The following PTPRM variants were observed in gnomAD, a reference collection of about 807,000 sequenced individuals.
PTPRM encodes receptor-type tyrosine-protein phosphatase mu.
In PTPRM, 47 loss-of-function variants were observed where a neutral mutation model predicts 186.7. The observed-to-expected ratio is 0.25, with a 90% CI of 0.20 to 0.32. PTPRM has a LOEUF of 0.32. Ranked by LOEUF, PTPRM falls within the 10% of genes least tolerant of loss-of-function variation. PTPRM has a pLI of 1.00. For missense variants in PTPRM, 1,494 were observed against 1,865.0 expected (o/e 0.80, Z 3.66); for synonymous variants, 668 against 674.9 (o/e 0.99, Z 0.16).
chr18:8,382,883 G>A (rs1598526564), intron 29 of PTPRM, among the ~76,000 whole-genome samples: 1 of 152,306 alleles, frequency 6.6e-6, no homozygotes, highest in African/African-American at 2.4e-5. Context: ...ACATCATTCT[G>A]CATAAAATTA....
At chr18:8,216,407 C>T (rs1426110133) in intron 14 of PTPRM, among the ~76,000 whole-genome samples, 1 of 152,160 alleles carries the variant, frequency 6.6e-6, no homozygotes, top group Non-Finnish European at 1.5e-5. Context: ...TCTAGAACCA[C>T]AGTCTGTCAT....
At chr18:7,855,559 T>C (rs2047056930) in intron 2 of PTPRM, among the ~76,000 whole-genome samples, 1 of 152,218 alleles carries the variant, frequency 6.6e-6, no homozygotes, top group East Asian at 1.9e-4. Context: ...TTCCACCCTC[T>C]ACTAAATCTT....
intron 23 of PTPRM, chr18:8,365,779 C>T (rs1425680842): frequency 1.3e-5 from 2 of 152,716 alleles, no homozygotes; most frequent in Admixed American, 6.5e-5. Flanking sequence ...CACCCTGCCT[C>T]CTCTCTCCAG....
rs527740306 is a variant in PTPRM at position 7,793,230 on chromosome 18, G to A, written c.196+18959G>A. Reference sequence around the variant, plus strand: ...GCAGCTGTTAGCGTAGTTGTTAAGAGCACCCTGACTTCACCTCCTCACTAC... The same window carrying A: ...GCAGCTGTTAGCGTAGTTGTTAAGAACACCCTGACTTCACCTCCTCACTAC... On this transcript the variant is annotated intron_variant, in intron 2 of 32. Transcript: ENST00000580170. 1.8e-3 allele frequency among the ~76,000 whole-genome samples: 276 copies of A among 152,274 alleles called. 2 individuals are homozygous for A. Among genetic ancestry groups the A allele is most frequent in the African/African-American group, 6.4e-3 (266 of 41,550 alleles).
chr18:8,383,296 CAAAAAAAAAA>C (rs59442781), intron 29 of PTPRM, among the ~76,000 whole-genome samples: 15 of 30,424 alleles, frequency 4.9e-4, no homozygotes, highest in South Asian at 2.7e-3. Flanking sequence ...GCTTCTGCCT[CAAAAAAAAAA>C]AAAAAAAAAA....
intron 7 of PTPRM, among the ~76,000 whole-genome samples, chr18:7,972,951 T>C (rs2054666797): frequency 6.6e-6 from 1 of 152,174 alleles, no homozygotes; most frequent in Non-Finnish European, 1.5e-5. Context: ...GATTATATTG[T>C]ACATGTTATT....
intron 19 of PTPRM, among the ~76,000 whole-genome samples, chr18:8,267,180 T>C (rs918759160): frequency 6.6e-5 from 10 of 152,154 alleles, no homozygotes; most frequent in African/African-American, 2.4e-4. Context: ...GCCAAAATAT[T>C]TTACTTGGCT....
At chr18:7,578,321 C>G (rs1049914810) in intron 1 of PTPRM, among the ~76,000 whole-genome samples, 4 of 149,498 alleles carry the variant, frequency 2.7e-5, no homozygotes, top group Admixed American at 1.4e-4. Flanking sequence ...ATCACCATGC[C>G]TGGCTAATTA....
intron 1 of PTPRM, among the ~76,000 whole-genome samples, chr18:7,744,756 G>T (rs1461574572): frequency 6.6e-6 from 1 of 152,136 alleles, no homozygotes. Flanking sequence ...GAGGATAATT[G>T]TGTTCATCGA....
intron 7 of PTPRM, among the ~76,000 whole-genome samples, chr18:7,960,915 A>C (rs1038719424): frequency 6.6e-6 from 1 of 152,184 alleles, no homozygotes; most frequent in Admixed American, 6.5e-5. Context: ...AAATACACAT[A>C]ACAAAACTTA....
At chr18:7,758,696 G>A (rs947425099) in intron 1 of PTPRM, among the ~76,000 whole-genome samples, 1 of 152,110 alleles carries the variant, frequency 6.6e-6, no homozygotes, top group African/African-American at 2.4e-5. Flanking sequence ...CTAATTATCA[G>A]TAAAGATATC....
chr18:8,289,578 A>ACG (rs2095015335), intron 19 of PTPRM, among the ~76,000 whole-genome samples: 2 of 102,622 alleles, frequency 1.9e-5, no homozygotes. Flanking sequence ...ATATATATAC[A>ACG]TATATATATA....
At chr18:8,155,308 T>A (rs1313982495) in intron 14 of PTPRM, among the ~76,000 whole-genome samples, 1 of 152,216 alleles carries the variant, frequency 6.6e-6, no homozygotes, top group Non-Finnish European at 1.5e-5. Flanking sequence ...GCTATAGATC[T>A]TTCAGGAATT....
chr18:7,772,806 T>C (rs1382783872), intron 1 of PTPRM, among the ~76,000 whole-genome samples: 1 of 152,198 alleles, frequency 6.6e-6, no homozygotes, highest in African/African-American at 2.4e-5. Flanking sequence ...AATGTAAAAA[T>C]ATTCTTAAAT....
chr18:7,573,947 G>T (rs1325780963), intron 1 of PTPRM, among the ~76,000 whole-genome samples: 2 of 152,148 alleles, frequency 1.3e-5, no homozygotes, highest in African/African-American at 4.8e-5. Flanking sequence ...GCATTACATT[G>T]AAAGTTGTTA....
chr18:8,318,852 A>G (rs2095327582), intron 21 of PTPRM, among the ~76,000 whole-genome samples: 1 of 152,234 alleles, frequency 6.6e-6, no homozygotes, highest in African/African-American at 2.4e-5. Context: ...TCTGTTGCAA[A>G]TTCTCAGTTT....
At chr18:8,006,172 C>G (rs1406657265) in intron 7 of PTPRM, among the ~76,000 whole-genome samples, 1 of 152,208 alleles carries the variant, frequency 6.6e-6, no homozygotes, top group Non-Finnish European at 1.5e-5. Flanking sequence ...TAAGATAAAT[C>G]TATTTTTGCA....
At chr18:7,620,803 G>A (rs912700139) in intron 1 of PTPRM, among the ~76,000 whole-genome samples, 1 of 152,164 alleles carries the variant, frequency 6.6e-6, no homozygotes, top group African/African-American at 2.4e-5. Flanking sequence ...ACTTCTGAGT[G>A]TGATTAAATA....
At chr18:8,339,075 T>C (rs1308242464) in intron 22 of PTPRM, among the ~76,000 whole-genome samples, 4 of 152,160 alleles carry the variant, frequency 2.6e-5, no homozygotes, top group Admixed American at 2.6e-4. Flanking sequence ...TTGATATCTC[T>C]CACTTCCCAT....
Sources: allele counts gnomAD v4.1 joint callset (sites outside exome capture counted in the v4.1 genomes callset), GRCh38; gene constraint gnomAD v4.1.1; transcripts MANE v1.5; gene names NCBI Gene and HGNC (gene_info 2026-07-23, HGNC 2026-07-21).